NGLY1: variants seen among roughly 807,000 people sequenced by gnomAD.
The protein encoded by NGLY1 is peptide-N(4)-(N-acetyl-beta-glucosaminyl)asparagine amidase.
A neutral mutation model predicts 84.6 loss-of-function variants in NGLY1; 68 were observed. The observed-to-expected ratio is 0.80, with a 90% CI of 0.66 to 0.98. The LOEUF is 0.98. Ranked by LOEUF, NGLY1 falls within the 50% of genes least tolerant of loss-of-function variation. NGLY1 has a pLI of 0.00. For synonymous variants in NGLY1, 280 were observed against 275.2 expected, an observed-to-expected ratio of 1.02 and a Z score of -0.17; for missense variants, 779 against 770.2, an observed-to-expected ratio of 1.01 and a Z score of -0.14.
At chr3:25,722,221 A>C (rs1014158175) in intron 10 of NGLY1, among the ~76,000 whole-genome samples, 2 of 151,520 alleles carry the variant, frequency 1.3e-5, no homozygotes, top group African/African-American at 4.9e-5. Flanking sequence ...TGTCTAAAAA[A>C]AAAAATAAAA....
intron 2 of NGLY1, among the ~76,000 whole-genome samples, chr3:25,765,656 C>T (rs897518091): frequency 1.3e-5 from 2 of 152,066 alleles, no homozygotes; most frequent in African/African-American, 4.8e-5. Flanking sequence ...TGGATTAGAC[C>T]AGCAAGCTCC....
chr3:25,753,963 A>T (rs908994449), intron 3 of NGLY1, among the ~76,000 whole-genome samples: 5 of 152,206 alleles, frequency 3.3e-5, no homozygotes, highest in African/African-American at 1.2e-4. Flanking sequence ...AGACATGATC[A>T]ATTTAAGGTC....
chr3:25,755,772 C>T (rs1380499010), intron 3 of NGLY1: 12 of 751,366 alleles, frequency 1.6e-5, no homozygotes, highest in Non-Finnish European at 2.1e-5. Context: ...TCTCGTTTTA[C>T]CTTAAAAGAC....
chr3:25,722,063 C>T (rs1265175013), intron 10 of NGLY1, among the ~76,000 whole-genome samples: 5 of 151,620 alleles, frequency 3.3e-5, no homozygotes, highest in South Asian at 4.2e-4. Context: ...ACTAAAAATA[C>T]CAAAATTAGC....
intron 9 of NGLY1, chr3:25,730,582 T>C (rs1304098021): frequency 6.6e-6 from 1 of 152,196 alleles, no homozygotes; most frequent in Non-Finnish European, 1.5e-5. Flanking sequence ...TAACTGGCTG[T>C]ATTTAGATTT....
Position 25,788,903 on chromosome 3 carries a change from T to C in NGLY1, c.5+958A>G, listed in dbSNP as rs76134714. On this transcript the variant is annotated intron_variant, in intron 1 of 11. Transcript: ENST00000417874. ...AACTCATTTAAATCCAGGACCAACCTGGAAAGCTAAGCTTGACTCACATTC... is the reference window on the plus strand; with the variant it reads ...AACTCATTTAAATCCAGGACCAACCCGGAAAGCTAAGCTTGACTCACATTC... Among the ~76,000 whole-genome samples, 703 of 152,306 alleles carry C rather than the reference T, an allele frequency of 4.6e-3. 6 individuals are homozygous for C. Among genetic ancestry groups the C allele is most frequent in the African/African-American group, 0.016 (680 of 41,562 alleles).
chr3:25,737,903 A>C (rs1395374675), intron 5 of NGLY1, among the ~76,000 whole-genome samples: 5 of 152,190 alleles, frequency 3.3e-5, no homozygotes, highest in Non-Finnish European at 7.3e-5. Context: ...CAATGTTAGA[A>C]CATTTGGTGA....
intron 11 of NGLY1, 49 bp from the exon 12 acceptor site, chr3:25,719,684 G>A (rs758218797): frequency 4.8e-6 from 7 of 1,464,498 alleles, no homozygotes; most frequent in Non-Finnish European, 5.7e-6. Context: ...GTAATTTAAA[G>A]AGCACAGATC....
At chr3:25,769,688 A>G (rs1225294354) in intron 2 of NGLY1, among the ~76,000 whole-genome samples, 1 of 152,198 alleles carries the variant, frequency 6.6e-6, no homozygotes, top group Non-Finnish European at 1.5e-5. Context: ...CAGTAATCCT[A>G]CTGCTAGGCA....
intron 9 of NGLY1, among the ~76,000 whole-genome samples, chr3:25,730,985 T>C (rs1295670282): frequency 6.6e-6 from 1 of 152,100 alleles, no homozygotes; most frequent in Non-Finnish European, 1.5e-5. Context: ...TAATGCCTGT[T>C]ACAAAGCCTA....
In NGLY1 at chr3:25,720,002, G is replaced by C. The variant is rs1178880780; in HGVS notation, c.1789+12C>G. 6.2e-7 allele frequency: 1 copy of C among 1,600,278 alleles called. No individual in the cohort carries two copies. Among genetic ancestry groups the C allele is most frequent in the East Asian group, 2.2e-5 (1 of 44,676 alleles). ...ATATATTTCGTGATTAATTCTCCAG[G>C]CAAATGCTTACCGCCTGTCAGTTCT... On this transcript the variant is annotated intron_variant, in intron 11 of 11. Coordinates refer to ENST00000280700, the MANE Select transcript of NGLY1 (RefSeq NM_018297.4).
intron 4 of NGLY1, among the ~76,000 whole-genome samples, chr3:25,743,550 G>C (rs549873437): frequency 6.9e-6 from 1 of 144,710 alleles, no homozygotes; most frequent in East Asian, 2.2e-4. Flanking sequence ...TCTCCCATTG[G>C]TCTTCCTAGC....
intron 1 of NGLY1, among the ~76,000 whole-genome samples, chr3:25,782,336 A>G (rs1391151762): frequency 6.6e-6 from 1 of 152,312 alleles, no homozygotes; most frequent in East Asian, 1.9e-4. Context: ...TGAGGGGAAC[A>G]GAGAACCTAA....
At chr3:25,774,140 G>A (rs1305062017) in intron 2 of NGLY1, among the ~76,000 whole-genome samples, 1 of 152,196 alleles carries the variant, frequency 6.6e-6, no homozygotes, top group East Asian at 1.9e-4. Flanking sequence ...AAGACCTCTG[G>A]TTAGCCAGGA....
At chr3:25,775,865 CAA>C (rs953274531) in intron 2 of NGLY1, among the ~76,000 whole-genome samples, 1 of 152,150 alleles carries the variant, frequency 6.6e-6, no homozygotes, top group African/African-American at 2.4e-5. Context: ...GTTTCTAACA[CAA>C]AGAGATGATA....
chr3:25,787,912 C>T (rs1708639718), upstream of NGLY1, among the ~76,000 whole-genome samples: 1 of 152,182 alleles, frequency 6.6e-6, no homozygotes, highest in Non-Finnish European at 1.5e-5. Context: ...GCCAGGATGC[C>T]CTTTCCCACC....
chr3:25,741,682 T>C (rs1480892529), intron 4 of NGLY1, among the ~76,000 whole-genome samples: 1 of 152,094 alleles, frequency 6.6e-6, no homozygotes, highest in Non-Finnish European at 1.5e-5. Context: ...ATTTGTAACA[T>C]GTCTAACAAA....
chr3:25,773,553 T>G (rs1708002669), intron 2 of NGLY1, among the ~76,000 whole-genome samples: 1 of 152,214 alleles, frequency 6.6e-6, no homozygotes, highest in Non-Finnish European at 1.5e-5. Context: ...TTAAATTTCT[T>G]TAAGTTCTCT....
chr3:25,720,713 G>C (rs1310637644), intron 10 of NGLY1, among the ~76,000 whole-genome samples: 6 of 152,168 alleles, frequency 3.9e-5, no homozygotes, highest in African/African-American at 1.2e-4. Context: ...CATGCTCCCT[G>C]TTCCTTCATC....
Sources: gnomAD v4.1 joint callset for allele counts (sites outside exome capture counted in the v4.1 genomes callset) on GRCh38, gnomAD v4.1.1 for gene constraint, MANE v1.5 for transcripts, NCBI Gene and HGNC (gene_info 2026-07-23, HGNC 2026-07-21) for gene names.